The following CHN1 variants were observed in gnomAD, a reference collection of about 807,000 sequenced individuals.
CHN1 encodes the protein N-chimaerin.
Under a neutral mutation model 59.5 loss-of-function variants are expected in CHN1, and 37 were observed. The observed-to-expected ratio is 0.62, with a 90% CI of 0.48 to 0.82. The LOEUF (loss-of-function observed/expected upper bound fraction) is 0.82, where lower values mean the gene tolerates loss of function less well. CHN1 is among the 40% of genes least tolerant of loss of function. The pLI is 0.00. For synonymous variants in CHN1, 206 were observed against 200.4 expected, an observed-to-expected ratio of 1.03 and a Z score of -0.24; for missense variants, 469 against 571.0, an observed-to-expected ratio of 0.82 and a Z score of 1.82.
At chr2:174,977,566 A>G (rs569514488) in intron 1 of CHN1, among the ~76,000 whole-genome samples, 1 of 152,346 alleles carries the variant, frequency 6.6e-6, no homozygotes, top group African/African-American at 2.4e-5. Flanking sequence ...CGCAATAAGA[A>G]AACTGAAGGA....
chr2:174,914,925 T>C (rs1353042442), intron 5 of CHN1, 133 bp downstream of exon 5: 1 of 513,862 alleles, frequency 1.9e-6, no homozygotes, highest in Non-Finnish European at 3.5e-6. Flanking sequence ...GTCTCAAAGC[T>C]ATTAAAATGG....
intron 1 of CHN1, among the ~76,000 whole-genome samples, chr2:174,990,937 T>C (rs935940904): frequency 6.6e-6 from 1 of 152,164 alleles, no homozygotes; most frequent in Non-Finnish European, 1.5e-5. Context: ...AGGAACAACT[T>C]ACAGGAGTAG....
At chr2:174,812,672 C>T (rs1685115972) in intron 8 of CHN1, among the ~76,000 whole-genome samples, 190 bp from the exon 9 acceptor site, 2 of 151,966 alleles carry the variant, frequency 1.3e-5, no homozygotes, top group Non-Finnish European at 2.9e-5. Context: ...GATTATAAGC[C>T]AGGAGACCAG....
At chr2:174,809,127 G>T in intron 10 of CHN1, 85 bp from the exon 11 acceptor site, 1 of 1,184,668 alleles carries the variant, frequency 8.4e-7, no homozygotes, top group Non-Finnish European at 1.2e-6. Context: ...ATACAAATCA[G>T]ATTTTAAAGA....
chr2:174,915,242 C>T, intron 4 of CHN1, 71 bp from the exon 5 acceptor site: 1 of 1,038,678 alleles, frequency 9.6e-7, no homozygotes, highest in Non-Finnish European at 1.5e-6. Context: ...AACAACGTCC[C>T]ACCACCACCA....
intron 4 of CHN1, 69 bp from the exon 5 acceptor site, chr2:174,915,240 CCCA>C (rs1445531674): frequency 1.8e-5 from 19 of 1,081,532 alleles, no homozygotes; most frequent in Non-Finnish European, 2.1e-5. Context: ...AAAACAACGT[CCCA>C]CCACCACCAC....
chr2:174,947,592 C>T (rs545443254), intron 2 of CHN1, among the ~76,000 whole-genome samples: 1 of 151,464 alleles, frequency 6.6e-6, no homozygotes, highest in South Asian at 2.1e-4. Context: ...TCAAGCAAGC[C>T]TTATGCCGCA....
At chr2:174,947,174 A>G (rs1391192725) in intron 2 of CHN1, among the ~76,000 whole-genome samples, 2 of 152,342 alleles carry the variant, frequency 1.3e-5, no homozygotes, top group East Asian at 1.9e-4. Flanking sequence ...TCTGGTTATC[A>G]GCAGTAAGCA....
chr2:174,877,339 C>CCTA (rs1324441775), intron 6 of CHN1, among the ~76,000 whole-genome samples: 12 of 152,122 alleles, frequency 7.9e-5, no homozygotes, highest in Non-Finnish European at 8.8e-5. Context: ...AAATCCTCCT[C>CCTA]CTATTCAAGA....
At chr2:174,981,253 T>G (rs1200560538) in intron 1 of CHN1, among the ~76,000 whole-genome samples, 1 of 152,056 alleles carries the variant, frequency 6.6e-6, no homozygotes, top group Non-Finnish European at 1.5e-5. Flanking sequence ...TGCTTGCCAA[T>G]AAACAAAGAG....
chr2:174,874,999 T>C (rs1574114218), intron 6 of CHN1, among the ~76,000 whole-genome samples: 1 of 150,256 alleles, frequency 6.7e-6, no homozygotes, highest in African/African-American at 2.4e-5. Flanking sequence ...TCAGCCTTCC[T>C]AGTAGCTGGG....
At chr2:174,860,613 G>A (rs1409591904) in intron 6 of CHN1, among the ~76,000 whole-genome samples, 1 of 151,846 alleles carries the variant, frequency 6.6e-6, no homozygotes, top group Non-Finnish European at 1.5e-5. Context: ...CAGAGACTAG[G>A]GTGGTATACT....
chr2:174,875,886 T>C, intron 6 of CHN1: 3 of 938,780 alleles, frequency 3.2e-6, no homozygotes, highest in Non-Finnish European at 3.8e-6. Flanking sequence ...AATAAATCTA[T>C]TTTTGAGTGA....
chr2:174,857,696 T>C (rs1043364972), intron 6 of CHN1, among the ~76,000 whole-genome samples: 17 of 152,154 alleles, frequency 1.1e-4, no homozygotes, highest in African/African-American at 2.9e-4. Flanking sequence ...CCAACCCCCA[T>C]GAATCTGAGG....
At chr2:174,980,528 CATT>C (rs2105448873) in intron 1 of CHN1, among the ~76,000 whole-genome samples, 1 of 152,116 alleles carries the variant, frequency 6.6e-6, no homozygotes, top group South Asian at 2.1e-4. Context: ...TAGGAACATG[CATT>C]ATTGGTTAAA....
intron 6 of CHN1, among the ~76,000 whole-genome samples, chr2:174,863,014 A>T (rs765615663): frequency 2.0e-5 from 3 of 152,222 alleles, no homozygotes; most frequent in Non-Finnish European, 4.4e-5. Context: ...ACTGACAGTC[A>T]ATGATAAAAT....
At chr2:174,979,993 A>G (rs551913010) in intron 1 of CHN1, among the ~76,000 whole-genome samples, 2 of 152,200 alleles carry the variant, frequency 1.3e-5, no homozygotes, top group African/African-American at 4.8e-5. Context: ...TATATGTACC[A>G]TCTGACTCTC....
At chr2:174,898,557 T>C (rs1688288674) in intron 5 of CHN1, among the ~76,000 whole-genome samples, 1 of 151,954 alleles carries the variant, frequency 6.6e-6, no homozygotes, top group South Asian at 2.1e-4. Flanking sequence ...TGACCCAAGA[T>C]CGCGCCACTG....
intron 3 of CHN1, among the ~76,000 whole-genome samples, chr2:174,926,804 G>C (rs568562360): frequency 9.3e-5 from 14 of 151,280 alleles, no homozygotes; most frequent in South Asian, 6.3e-4. Flanking sequence ...GTTGCCCAGG[G>C]TGGAGTGCAG....
Sources: gnomAD v4.1 joint callset for allele counts (sites outside exome capture counted in the v4.1 genomes callset) on GRCh38, gnomAD v4.1.1 for gene constraint, MANE v1.5 for transcripts, NCBI Gene and HGNC (gene_info 2026-07-23, HGNC 2026-07-21) for gene names.